Variants in BACH2 observed in about 807,000 individuals in gnomAD.
BACH2 encodes BACH transcriptional regulator 2.
Under a neutral mutation model 61.8 loss-of-function variants are expected in BACH2, and 5 were observed. That is an observed-to-expected ratio of 0.08 (90% CI 0.04 to 0.17). BACH2 has a LOEUF of 0.17. BACH2 is among the 10% of genes least tolerant of loss of function. The probability of loss-of-function intolerance (pLI) is 1.00; values close to 1 mark genes in which losing one functional copy is unlikely to be tolerated. For missense variants in BACH2, 824 were observed against 1,091.1 expected, an observed-to-expected ratio of 0.76 and a Z score of 3.45; for synonymous variants, 446 against 440.1, an observed-to-expected ratio of 1.01 and a Z score of -0.17.
intron 6 of BACH2, among the ~76,000 whole-genome samples, chr6:89,987,400 G>A (rs895760318): frequency 2.0e-5 from 3 of 152,152 alleles, no homozygotes; most frequent in African/African-American, 7.2e-5. Context: ...AGTCCTGGCT[G>A]TGTGTGAGGG....
chr6:90,198,725 A>G (rs1202496140), intron 4 of BACH2, among the ~76,000 whole-genome samples: 1 of 152,180 alleles, frequency 6.6e-6, no homozygotes, highest in African/African-American at 2.4e-5. Flanking sequence ...ATCATTCATC[A>G]GATGCTCAAA....
At position 90,206,557 on chromosome 6, in the gene BACH2, A is replaced by G. The variant is rs1439586647; in HGVS notation, c.-162+12T>C. 1 of 152,416 alleles carries G rather than the reference A, an allele frequency of 6.6e-6. No individual in the cohort carries two copies. Among genetic ancestry groups the G allele is most frequent in the Non-Finnish European group, 1.5e-5 (1 of 68,070 alleles). The allele number at this position is 152,416 out of a possible 1,614,324, so 9.4% of individuals were successfully genotyped here. ...GGAAATACAAGTGCTGATTCCTCAA[A>G]GTACCTCTTACCTTGTTCATGCTGC... is the stretch of plus-strand genomic sequence containing the variant. On this transcript the variant is annotated intron_variant, in intron 4 of 8. Transcript: ENST00000257749.
intron 5 of BACH2, among the ~76,000 whole-genome samples, chr6:90,061,193 T>C (rs942561216): frequency 6.6e-6 from 1 of 152,102 alleles, no homozygotes; most frequent in African/African-American, 2.4e-5. Context: ...GCTAATGTAG[T>C]AGTTCAGGTG....
At chr6:90,230,523 G>C (rs780791873) in intron 3 of BACH2, among the ~76,000 whole-genome samples, 6 of 152,210 alleles carry the variant, frequency 3.9e-5, no homozygotes, top group Non-Finnish European at 8.8e-5. Flanking sequence ...ACTGTCTTCT[G>C]TCTGGAATTT....
chr6:90,146,188 T>A (rs749592182), intron 4 of BACH2, among the ~76,000 whole-genome samples: 1 of 152,242 alleles, frequency 6.6e-6, no homozygotes, highest in Non-Finnish European at 1.5e-5. Context: ...CATCACCACG[T>A]GTGACCAAAG....
At chr6:90,048,107 A>G (rs1348095102) in intron 5 of BACH2, among the ~76,000 whole-genome samples, 1 of 151,546 alleles carries the variant, frequency 6.6e-6, no homozygotes, top group Non-Finnish European at 1.5e-5. Flanking sequence ...GATTAGTTTC[A>G]GGTCTAGGTC....
chr6:90,089,909 T>C (rs911146567), intron 4 of BACH2, among the ~76,000 whole-genome samples: 4 of 152,144 alleles, frequency 2.6e-5, no homozygotes, highest in Non-Finnish European at 5.9e-5. Context: ...CATATTCTTA[T>C]TAAGTGGGGG....
At chr6:90,171,974 C>T (rs1582446930) in intron 4 of BACH2, among the ~76,000 whole-genome samples, 1 of 152,070 alleles carries the variant, frequency 6.6e-6, no homozygotes, top group Admixed American at 6.6e-5. Flanking sequence ...AGAAATTGTA[C>T]ATAAACTTAT....
intron 5 of BACH2, among the ~76,000 whole-genome samples, chr6:90,049,193 A>C (rs1172083610): frequency 1.3e-5 from 2 of 152,232 alleles, no homozygotes; most frequent in African/African-American, 2.4e-5. Flanking sequence ...TTTTGTAGAC[A>C]GTTACTATAT....
chr6:90,055,430 AT>A (rs1562405475), intron 5 of BACH2, among the ~76,000 whole-genome samples: 1 of 152,186 alleles, frequency 6.6e-6, no homozygotes, highest in East Asian at 1.9e-4. Flanking sequence ...AGAAAAAAGA[AT>A]AAAAAGAAAC....
chr6:90,100,201 T>C (rs1158234531), intron 4 of BACH2, among the ~76,000 whole-genome samples: 1 of 152,256 alleles, frequency 6.6e-6, no homozygotes, highest in Non-Finnish European at 1.5e-5. Flanking sequence ...TTGGATTGTT[T>C]CCACATTTTA....
intron 5 of BACH2, among the ~76,000 whole-genome samples, chr6:90,074,307 C>A (rs935952168): frequency 1.3e-5 from 2 of 152,036 alleles, no homozygotes; most frequent in African/African-American, 4.8e-5. Context: ...CTTTATTGTT[C>A]ATTTGAACAT....
intron 5 of BACH2, among the ~76,000 whole-genome samples, chr6:90,033,341 GAAACTT>G (rs1308847359): frequency 7.5e-6 from 1 of 133,290 alleles, no homozygotes; most frequent in African/African-American, 2.8e-5. Flanking sequence ...CATGTACCCT[GAAACTT>G]AAATAAAAAA....
At chr6:90,133,286 T>C (rs1436585334) in intron 4 of BACH2, among the ~76,000 whole-genome samples, 1 of 152,182 alleles carries the variant, frequency 6.6e-6, no homozygotes, top group Non-Finnish European at 1.5e-5. Flanking sequence ...TGAAGTGAAA[T>C]GCAAGAGTAA....
intron 6 of BACH2, among the ~76,000 whole-genome samples, chr6:89,958,329 C>G (rs1774539195): frequency 6.6e-6 from 1 of 152,144 alleles, no homozygotes. Flanking sequence ...TCACTGTGTA[C>G]TATGCAAGGT....
At chr6:90,265,183 G>C (rs1771283051) in intron 2 of BACH2, among the ~76,000 whole-genome samples, 1 of 152,170 alleles carries the variant, frequency 6.6e-6, no homozygotes. Flanking sequence ...CACATTATGG[G>C]GATCCACTTC....
chr6:90,099,219 G>A (rs1331719923), intron 4 of BACH2, among the ~76,000 whole-genome samples: 1 of 152,146 alleles, frequency 6.6e-6, no homozygotes, highest in African/African-American at 2.4e-5. Context: ...TCGGGACAGG[G>A]TTTCTCCTCC....
chr6:90,272,328 CCT>C (rs1417395588), intron 1 of BACH2, among the ~76,000 whole-genome samples: 2 of 151,630 alleles, frequency 1.3e-5, no homozygotes, highest in Non-Finnish European at 2.9e-5. Flanking sequence ...GTTTCCTGCT[CCT>C]CTTTCTCCTT....
rs539488092 is a variant in BACH2, at chr6:90,025,845, C to T, written c.-12-16989G>A. On this transcript the variant is annotated intron_variant, in intron 5 of 8. Transcript: ENST00000257749. ...CTGGATTCTATCAGACACCCTTCTC[C>T]ATGGGGAAATCATTACAGAGAAATG... is the stretch of plus-strand genomic sequence containing the variant. 2.0e-5 allele frequency among the ~76,000 whole-genome samples: 3 copies of T among 152,324 alleles called. No homozygotes were observed. The South Asian group carries it at 6.2e-4, about 32-fold the overall frequency.
Sources: gnomAD v4.1 joint callset for allele counts (sites outside exome capture counted in the v4.1 genomes callset) on GRCh38, gnomAD v4.1.1 for gene constraint, MANE v1.5 for transcripts, NCBI Gene and HGNC (gene_info 2026-07-23, HGNC 2026-07-21) for gene names.